The following PACRG variants were observed in gnomAD, a reference collection of about 807,000 sequenced individuals.
PACRG encodes parkin coregulated.
PACRG carries 29 observed loss-of-function variants against 29.7 expected under a neutral mutation model. The observed-to-expected ratio is 0.98, with a 90% CI of 0.73 to 1.33. The LOEUF (loss-of-function observed/expected upper bound fraction) is 1.33, where lower values mean the gene tolerates loss of function less well. Among genes scored for constraint, PACRG ranks in the 40% most tolerant of loss-of-function variants. The pLI, the probability that PACRG is intolerant of heterozygous loss-of-function variation, is 0.00. For synonymous variants in PACRG, 116 were observed against 118.7 expected, an observed-to-expected ratio of 0.98 and a Z score of 0.15; for missense variants, 279 against 316.2, an observed-to-expected ratio of 0.88 and a Z score of 0.89.
At position 162,777,846 on chromosome 6, in the gene PACRG, C is replaced by T. The variant is rs1783767596; in HGVS notation, c.157-36301C>T. ...TTTGAACTAATAAAAGAAAAAACCT[C>T]CCTACCTTCTTTCTTTCCTTCCTTC... On this transcript the variant is annotated intron_variant, in intron 1 of 4. Coordinates refer to ENST00000366888, the MANE Select transcript of PACRG (RefSeq NM_001080379.2). This position sits in a 1 kb window ranked among gnomAD's most constrained non-coding sequence, Gnocchi z 4.0. Among the ~76,000 whole-genome samples the T allele has an allele frequency of 6.6e-6, 1 of 152,034 alleles. No homozygotes were observed. Among genetic ancestry groups the T allele is most frequent in the Non-Finnish European group, 1.5e-5 (1 of 67,996 alleles).
At chr6:162,797,375 C>T (rs530054766) in intron 1 of PACRG, among the ~76,000 whole-genome samples, 44 of 152,244 alleles carry the variant, frequency 2.9e-4, no homozygotes, top group Non-Finnish European at 5.9e-4. Flanking sequence ...CTTGGCAAAC[C>T]TTTTCTTATG....
intron 2 of PACRG, among the ~76,000 whole-genome samples, chr6:163,054,369 G>A (rs572624711): frequency 1.3e-5 from 2 of 152,162 alleles, no homozygotes; most frequent in Non-Finnish European, 2.9e-5. Flanking sequence ...GCCAGGAAGC[G>A]ATCTCTCCCT....
chr6:162,987,070 C>T (rs1380072274), intron 2 of PACRG, among the ~76,000 whole-genome samples: 1 of 151,958 alleles, frequency 6.6e-6, no homozygotes, highest in Admixed American at 6.6e-5. Context: ...GTTAGTCTGG[C>T]CTTTTGGTGG....
intron 4 of PACRG, among the ~76,000 whole-genome samples, chr6:163,133,521 T>C (rs1247965968): frequency 6.6e-6 from 1 of 152,186 alleles, no homozygotes; most frequent in South Asian, 2.1e-4. Flanking sequence ...AGAACACCCC[T>C]AGAGAGGAGC....
chr6:163,054,672 G>A (rs1810378973), intron 2 of PACRG, among the ~76,000 whole-genome samples: 1 of 152,136 alleles, frequency 6.6e-6, no homozygotes, highest in Non-Finnish European at 1.5e-5. Context: ...AGAAAAAGGG[G>A]AAACAGGGAC....
chr6:163,269,890 A>AG (rs1554237869), intron 4 of PACRG, among the ~76,000 whole-genome samples: 654 of 23,816 alleles, frequency 0.027, 63 homozygotes, highest in African/African-American at 0.096. Context: ...AGAAAGAAAG[A>AG]AAACAAAGAA....
intron 4 of PACRG, among the ~76,000 whole-genome samples, chr6:163,182,062 A>G (rs759703671): frequency 2.0e-5 from 3 of 152,210 alleles, no homozygotes; most frequent in Non-Finnish European, 2.9e-5. Context: ...CAACTCAAGT[A>G]GGTTACCTAG....
chr6:162,926,718 G>A (rs1425128326), intron 2 of PACRG, among the ~76,000 whole-genome samples: 1 of 152,070 alleles, frequency 6.6e-6, no homozygotes, highest in African/African-American at 2.4e-5. Flanking sequence ...GAAAACCTAG[G>A]CAATACCATT....
intron 4 of PACRG, among the ~76,000 whole-genome samples, chr6:163,143,502 A>G (rs1363568764): frequency 6.6e-6 from 1 of 152,216 alleles, no homozygotes. Context: ...GCTTTAGCGC[A>G]GAGTTCTTGG....
chr6:162,985,624 G>A (rs1023874422), intron 2 of PACRG, among the ~76,000 whole-genome samples: 1 of 152,002 alleles, frequency 6.6e-6, no homozygotes, highest in Non-Finnish European at 1.5e-5. Flanking sequence ...AAATTTGAAA[G>A]CTTCCTCCTG....
intron 2 of PACRG, among the ~76,000 whole-genome samples, chr6:163,015,602 A>T (rs1806019947): frequency 8.6e-5 from 13 of 152,030 alleles, no homozygotes; most frequent in Non-Finnish European, 1.5e-5. Context: ...TATTTTCTGT[A>T]TGTGGCTATT....
At position 163,077,442 on chromosome 6, in the gene PACRG, A is replaced by G. The variant is rs534324612; in HGVS notation, c.464-11817A>G. Among the ~76,000 whole-genome samples the G allele has an allele frequency of 3.9e-5, 6 of 152,330 alleles. No homozygotes were observed. The East Asian group carries it at 7.7e-4, about 20-fold the overall frequency. On this transcript the variant is annotated intron_variant, in intron 3 of 4. Coordinates refer to ENST00000366888, the MANE Select transcript of PACRG (RefSeq NM_001080379.2). ...CAGACACAGCGGAAGAAACCTGAGC[A>G]AGAACATTTTACCAAGCAAAATATT... is the stretch of plus-strand genomic sequence containing the variant.
intron 1 of PACRG, among the ~76,000 whole-genome samples, chr6:162,789,362 A>G (rs1466732208): frequency 6.6e-6 from 1 of 152,180 alleles, no homozygotes; most frequent in Non-Finnish European, 1.5e-5. Flanking sequence ...TTTTGTTGAA[A>G]TATATAAATT....
intron 2 of PACRG, among the ~76,000 whole-genome samples, chr6:162,859,078 C>A (rs1437922871): frequency 6.6e-6 from 1 of 152,094 alleles, no homozygotes; most frequent in Admixed American, 6.6e-5. Flanking sequence ...TAATTGGAGG[C>A]CTCCATGAAG....
intron 4 of PACRG, among the ~76,000 whole-genome samples, chr6:163,132,401 T>C (rs1245250660): frequency 1.3e-5 from 2 of 152,226 alleles, no homozygotes. Context: ...GTGCCAGGAA[T>C]CATTATTGAT....
At chr6:163,005,004 A>T (rs1173816596) in intron 2 of PACRG, among the ~76,000 whole-genome samples, 3 of 151,966 alleles carry the variant, frequency 2.0e-5, no homozygotes, top group African/African-American at 7.2e-5. Context: ...AGGGATATTC[A>T]GGTCATCTAT....
chr6:163,090,876 C>T (rs1473042571), intron 4 of PACRG, among the ~76,000 whole-genome samples: 5 of 152,310 alleles, frequency 3.3e-5, no homozygotes, highest in Admixed American at 6.5e-5. Flanking sequence ...TTGAAGTGTG[C>T]GATTCACTAA....
chr6:163,305,313 G>C (rs1449599501), intron 4 of PACRG, among the ~76,000 whole-genome samples: 2 of 152,186 alleles, frequency 1.3e-5, no homozygotes, highest in African/African-American at 4.8e-5. Context: ...GTGGCTTTCT[G>C]GTTTGTTTCT....
chr6:163,234,504 G>A (rs6934936), intron 4 of PACRG, among the ~76,000 whole-genome samples: 109,708 of 152,060 alleles, frequency 0.72, 40,483 homozygotes, highest in African/African-American at 0.88. Flanking sequence ...CATGTTTCTT[G>A]TATGGCCTGC....
Sources: gnomAD v4.1 joint callset for allele counts (sites outside exome capture counted in the v4.1 genomes callset) on GRCh38, gnomAD v4.1.1 for gene constraint, Gnocchi (gnomAD v3.1) non-coding constraint, MANE v1.5 for transcripts, NCBI Gene and HGNC (gene_info 2026-07-23, HGNC 2026-07-21) for gene names.